SGCZ: variants seen among roughly 807,000 people sequenced by gnomAD.
The protein encoded by SGCZ is zeta-sarcoglycan.
In SGCZ, 40 loss-of-function variants were observed where a neutral mutation model predicts 41.3. That is an observed-to-expected ratio of 0.97 (90% CI 0.75 to 1.26). The LOEUF is 1.26. Among genes scored for constraint, SGCZ ranks in the 50% most tolerant of loss-of-function variants. The probability of loss-of-function intolerance (pLI) is 0.00; values close to 1 mark genes in which losing one functional copy is unlikely to be tolerated. For missense variants in SGCZ, 552 were observed against 369.8 expected (o/e 1.49, Z -4.04); for synonymous variants, 206 against 137.5 (o/e 1.50, Z -3.49).
At chr8:14,901,789 T>C (rs1336634654) in intron 1 of SGCZ, among the ~76,000 whole-genome samples, 10 of 152,146 alleles carry the variant, frequency 6.6e-5, no homozygotes. Context: ...CAAGAAAATA[T>C]CTATTTTTGT....
chr8:14,166,224 AT>A, intron 4 of SGCZ, among the ~76,000 whole-genome samples: 1 of 152,300 alleles, frequency 6.6e-6, no homozygotes, highest in Non-Finnish European at 1.5e-5. Flanking sequence ...CTTTTTAAAA[AT>A]TTTTAAATAA....
chr8:15,007,377 T>A (rs1233477943), intron 1 of SGCZ, among the ~76,000 whole-genome samples: 1 of 152,246 alleles, frequency 6.6e-6, no homozygotes, highest in Non-Finnish European at 1.5e-5. Context: ...TCTTGCAATT[T>A]GTTAAAAACT....
At chr8:14,831,833 T>C (rs1287106835) in intron 1 of SGCZ, among the ~76,000 whole-genome samples, 1 of 142,262 alleles carries the variant, frequency 7.0e-6, no homozygotes, top group Non-Finnish European at 1.5e-5. Context: ...CATGTATATA[T>C]GTGTGCACAT....
At chr8:14,388,766 G>T (rs995641225) in intron 2 of SGCZ, among the ~76,000 whole-genome samples, 1 of 151,220 alleles carries the variant, frequency 6.6e-6, no homozygotes. Context: ...CCTCCATGAT[G>T]CAAGTTTACT....
intron 1 of SGCZ, among the ~76,000 whole-genome samples, chr8:15,079,306 A>G (rs570251175): frequency 6.6e-6 from 1 of 152,346 alleles, no homozygotes; most frequent in East Asian, 1.9e-4. Flanking sequence ...TACATGTTCA[A>G]AAACAGCCTA....
chr8:15,030,038 A>C (rs1020724150), intron 1 of SGCZ, among the ~76,000 whole-genome samples: 1 of 152,158 alleles, frequency 6.6e-6, no homozygotes, highest in African/African-American at 2.4e-5. Context: ...AAAAGATGAA[A>C]GCTGTTGTCA....
At chr8:14,771,298 A>T (rs968504333) in intron 1 of SGCZ, among the ~76,000 whole-genome samples, 1 of 152,078 alleles carries the variant, frequency 6.6e-6, no homozygotes, top group Non-Finnish European at 1.5e-5. Context: ...CAAATATTGG[A>T]TTGTTTCTTT....
At chr8:14,559,192 C>T (rs1017185622) in intron 1 of SGCZ, among the ~76,000 whole-genome samples, 1 of 152,026 alleles carries the variant, frequency 6.6e-6, no homozygotes, top group African/African-American at 2.4e-5. Flanking sequence ...GTCAAACTGT[C>T]ACTGTTTGCT....
intron 1 of SGCZ, among the ~76,000 whole-genome samples, chr8:14,608,233 A>G (rs987939633): frequency 6.7e-6 from 1 of 150,360 alleles, no homozygotes; most frequent in African/African-American, 2.4e-5. Flanking sequence ...CCACAAATTC[A>G]TTCAACTTAC....
chr8:14,178,303 T>C (rs1444903610), intron 4 of SGCZ, among the ~76,000 whole-genome samples: 2 of 152,198 alleles, frequency 1.3e-5, no homozygotes, highest in South Asian at 2.1e-4. Flanking sequence ...AATGTAAATA[T>C]TGAAACCATT....
chr8:15,237,237 A>G (rs1422886316), intron 1 of SGCZ, among the ~76,000 whole-genome samples: 2 of 143,658 alleles, frequency 1.4e-5, no homozygotes. Context: ...GACAGCGGGC[A>G]GAGCTGGTGC....
chr8:14,666,596 T>G (rs1009511662), intron 1 of SGCZ, among the ~76,000 whole-genome samples: 2 of 151,010 alleles, frequency 1.3e-5, no homozygotes, highest in Non-Finnish European at 2.9e-5. Flanking sequence ...AACATATTTA[T>G]CAGTCTTTGG....
intron 3 of SGCZ, among the ~76,000 whole-genome samples, chr8:14,249,608 T>C (rs1009288849): frequency 2.0e-5 from 3 of 152,300 alleles, no homozygotes; most frequent in African/African-American, 4.8e-5. Context: ...ATTGTGGTTA[T>C]ACCTTAGCTA....
chr8:14,514,818 T>C (rs758870221), intron 2 of SGCZ, among the ~76,000 whole-genome samples: 7,198 of 124,754 alleles, frequency 0.058, 267 homozygotes, highest in African/African-American at 0.12. Context: ...TGTGTGTATA[T>C]ATACACGCAC....
At chr8:15,015,630 G>C (rs1282154828) in intron 1 of SGCZ, among the ~76,000 whole-genome samples, 1 of 145,164 alleles carries the variant, frequency 6.9e-6, no homozygotes. Flanking sequence ...AGAGCTTGCA[G>C]TGAGCCGAAA....
chr8:14,242,985 G>A (rs901843953), intron 3 of SGCZ, among the ~76,000 whole-genome samples: 1 of 152,208 alleles, frequency 6.6e-6, no homozygotes, highest in Non-Finnish European at 1.5e-5. Flanking sequence ...AGCTTAAAGT[G>A]TAAGATATGA....
intron 1 of SGCZ, among the ~76,000 whole-genome samples, chr8:15,090,775 T>A (rs1158330525): frequency 2.0e-5 from 3 of 152,152 alleles, no homozygotes; most frequent in African/African-American, 7.2e-5. Flanking sequence ...CCATCTCTTA[T>A]CATTTTTGTT....
At chr8:15,018,245 A>G (rs1037166786) in intron 1 of SGCZ, among the ~76,000 whole-genome samples, 1 of 152,214 alleles carries the variant, frequency 6.6e-6, no homozygotes, top group Non-Finnish European at 1.5e-5. Flanking sequence ...ACGATAGGAC[A>G]GACACTGTTC....
intron 1 of SGCZ, among the ~76,000 whole-genome samples, chr8:15,014,599 A>T (rs956297005): frequency 6.6e-6 from 1 of 152,158 alleles, no homozygotes; most frequent in African/African-American, 2.4e-5. Context: ...GCCCATGTCT[A>T]TGATCAGGTA....
Sources: gnomAD v4.1 joint callset for allele counts (sites outside exome capture counted in the v4.1 genomes callset) on GRCh38, gnomAD v4.1.1 for gene constraint, MANE v1.5 for transcripts, NCBI Gene and HGNC (gene_info 2026-07-23, HGNC 2026-07-21) for gene names.